The following COP1 variants were observed in gnomAD, a reference collection of about 807,000 sequenced individuals.
COP1 encodes COP1 E3 ubiquitin ligase.
A neutral mutation model predicts 101.3 loss-of-function variants in COP1; 24 were observed. The observed-to-expected ratio is 0.24, with a 90% CI of 0.17 to 0.33. The LOEUF is 0.33. Ranked by LOEUF, COP1 falls within the 10% of genes least tolerant of loss-of-function variation. The probability of loss-of-function intolerance (pLI) is 1.00; values close to 1 mark genes in which losing one functional copy is unlikely to be tolerated. For synonymous variants in COP1, 347 were observed against 341.9 expected, an observed-to-expected ratio of 1.01 and a Z score of -0.17; for missense variants, 663 against 906.2, an observed-to-expected ratio of 0.73 and a Z score of 3.45.
At chr1:176,164,588 G>A (rs1428099519) in intron 3 of COP1, among the ~76,000 whole-genome samples, 1 of 152,158 alleles carries the variant, frequency 6.6e-6, no homozygotes, top group Non-Finnish European at 1.5e-5. Context: ...GCCTTCATAA[G>A]GGGATGATAT....
intron 8 of COP1, among the ~76,000 whole-genome samples, chr1:176,121,304 A>G (rs906523739): frequency 2.0e-5 from 3 of 152,094 alleles, no homozygotes; most frequent in African/African-American, 7.2e-5. Flanking sequence ...TTGTGGCCCC[A>G]ATTTTGCAGA....
At chr1:175,954,200 G>T (rs1038982538) in intron 18 of COP1, among the ~76,000 whole-genome samples, 1 of 152,118 alleles carries the variant, frequency 6.6e-6, no homozygotes, top group Admixed American at 6.5e-5. Context: ...ATAACCCAGG[G>T]ATGGAAATGA....
Position 176,064,806 on chromosome 1 carries a change from T to C in COP1, c.1277+16346A>G, listed in dbSNP as rs565859090. Among the ~76,000 whole-genome samples, 3 of 149,786 alleles carry C rather than the reference T, an allele frequency of 2.0e-5. No individual in the cohort carries two copies. The South Asian group carries it at 6.2e-4, about 31-fold the overall frequency. On this transcript the variant is annotated intron_variant, in intron 11 of 19. Coordinates refer to ENST00000367669, the MANE Select transcript of COP1 (RefSeq NM_022457.7). Reference sequence around the variant, plus strand: ...GCCCAGCCAATTTTTGCATTTTTTGTAGAGATGGAGTTTCACCATGTTGCC... The same window carrying C: ...GCCCAGCCAATTTTTGCATTTTTTGCAGAGATGGAGTTTCACCATGTTGCC...
At chr1:176,123,413 A>G (rs1173434139) in intron 8 of COP1, among the ~76,000 whole-genome samples, 3 of 152,060 alleles carry the variant, frequency 2.0e-5, no homozygotes, top group Non-Finnish European at 4.4e-5. Flanking sequence ...TTCCCTAGGT[A>G]CCCCCATTTC....
intron 14 of COP1, among the ~76,000 whole-genome samples, chr1:176,040,693 T>A (rs1334720769): frequency 6.6e-6 from 1 of 152,184 alleles, no homozygotes; most frequent in African/African-American, 2.4e-5. Context: ...GGCCCAAAAC[T>A]TTTTAGGGGC....
chr1:175,992,664 C>A (rs901594417), intron 15 of COP1, among the ~76,000 whole-genome samples: 40 of 152,340 alleles, frequency 2.6e-4, no homozygotes, highest in African/African-American at 8.2e-4. Flanking sequence ...AGTCTGAGAT[C>A]AAACTGCAAG....
chr1:175,994,525 G>A (rs546251846), intron 15 of COP1, among the ~76,000 whole-genome samples: 125 of 152,158 alleles, frequency 8.2e-4, no homozygotes, highest in African/African-American at 3.0e-3. Context: ...ACACACATAG[G>A]CTCAAAATAA....
At chr1:175,991,605 T>A (rs530778871) in intron 15 of COP1, among the ~76,000 whole-genome samples, 51 of 152,354 alleles carry the variant, frequency 3.3e-4, no homozygotes, top group South Asian at 1.0e-3. Flanking sequence ...ACTTAAAAAA[T>A]TTTTAAAGCT....
At chr1:176,132,206 A>C (rs1250711180) in intron 8 of COP1, among the ~76,000 whole-genome samples, 1 of 149,908 alleles carries the variant, frequency 6.7e-6, no homozygotes, top group Non-Finnish European at 1.5e-5. Flanking sequence ...CAGGGATCCA[A>C]GTAAACATTT....
chr1:176,167,959 A>T (rs1393370205), intron 3 of COP1, among the ~76,000 whole-genome samples: 1 of 150,346 alleles, frequency 6.7e-6, no homozygotes. Flanking sequence ...TGCATCAGCC[A>T]TTTTTTTTTT....
intron 15 of COP1, among the ~76,000 whole-genome samples, chr1:175,997,271 T>C (rs1253194691): frequency 6.6e-6 from 1 of 152,108 alleles, no homozygotes; most frequent in Non-Finnish European, 1.5e-5. Context: ...AAGACTTAAA[T>C]GTTAGACCTA....
intron 14 of COP1, among the ~76,000 whole-genome samples, chr1:176,031,583 C>T (rs992407042): frequency 5.3e-5 from 8 of 152,074 alleles, no homozygotes; most frequent in Non-Finnish European, 1.0e-4. Flanking sequence ...AAATAAAATA[C>T]ACTGTATTTA....
At chr1:176,163,016 C>T (rs1446275055) in intron 4 of COP1, 28 bp from the exon 5 acceptor site, 7 of 1,590,938 alleles carry the variant, frequency 4.4e-6, no homozygotes, top group Non-Finnish European at 6.0e-6. Flanking sequence ...AGAAACACAA[C>T]AACTTCCTAT....
intron 15 of COP1, among the ~76,000 whole-genome samples, chr1:176,022,438 A>G (rs1218923713): frequency 6.6e-6 from 1 of 152,210 alleles, no homozygotes; most frequent in Admixed American, 6.5e-5. Flanking sequence ...TCATCATCAC[A>G]AATGATATTT....
intron 19 of COP1, among the ~76,000 whole-genome samples, chr1:175,945,429 A>G (rs1203204025): frequency 6.6e-6 from 1 of 152,252 alleles, no homozygotes; most frequent in East Asian, 1.9e-4. Context: ...AACACATGGA[A>G]AAATAAATTG....
chr1:176,020,767 C>T (rs1666627352), intron 15 of COP1, among the ~76,000 whole-genome samples: 1 of 152,140 alleles, frequency 6.6e-6, no homozygotes, highest in South Asian at 2.1e-4. Context: ...TGGTGATTTA[C>T]TATTTGAATT....
At chr1:175,953,185 T>C (rs1040023960) in intron 18 of COP1, among the ~76,000 whole-genome samples, 18 of 152,000 alleles carry the variant, frequency 1.2e-4, no homozygotes, top group Middle Eastern at 3.4e-3. Flanking sequence ...AGACAGACTG[T>C]AAAAAGTTAA....
intron 5 of COP1, among the ~76,000 whole-genome samples, chr1:176,152,376 G>C (rs1258276712): frequency 6.6e-6 from 1 of 152,074 alleles, no homozygotes; most frequent in Non-Finnish European, 1.5e-5. Flanking sequence ...AATGGAACTA[G>C]GAACTGTTGC....
chr1:175,992,361 G>A (rs1658765734), intron 15 of COP1, among the ~76,000 whole-genome samples: 1 of 152,230 alleles, frequency 6.6e-6, no homozygotes, highest in Non-Finnish European at 1.5e-5. Context: ...GAGGTACCAG[G>A]TTCATCTCAC....
Sources: gnomAD v4.1 joint callset for allele counts (sites outside exome capture counted in the v4.1 genomes callset) on GRCh38, gnomAD v4.1.1 for gene constraint, MANE v1.5 for transcripts, NCBI Gene and HGNC (gene_info 2026-07-23, HGNC 2026-07-21) for gene names.